Variants in DLG2 observed in about 807,000 individuals in gnomAD.
DLG2 encodes disks large homolog 2.
Under a neutral mutation model 132.5 loss-of-function variants are expected in DLG2, and 45 were observed. The ratio of observed to expected loss-of-function variants is 0.34; its 90% CI spans 0.27 to 0.44. The LOEUF is 0.44. Among genes scored for constraint, DLG2 ranks in the 20% least tolerant of loss-of-function variants. DLG2 has a pLI of 1.00. For synonymous variants in DLG2, 424 were observed against 419.6 expected, an observed-to-expected ratio of 1.01 and a Z score of -0.13; for missense variants, 1,045 against 1,196.9, an observed-to-expected ratio of 0.87 and a Z score of 1.87.
chr11:84,371,822 T>C (rs2098707827), intron 7 of DLG2, among the ~76,000 whole-genome samples: 1 of 152,200 alleles, frequency 6.6e-6, no homozygotes, highest in Admixed American at 6.5e-5. Context: ...TAATATCTCC[T>C]GCATGGTATA....
At chr11:83,613,142 G>A (rs1215178289) in intron 19 of DLG2, among the ~76,000 whole-genome samples, 1 of 152,160 alleles carries the variant, frequency 6.6e-6, no homozygotes, top group African/African-American at 2.4e-5. Flanking sequence ...ACACAGAGGG[G>A]AAAAGCTAGG....
chr11:85,300,253 G>T (rs2079505606), intron 3 of DLG2, among the ~76,000 whole-genome samples: 1 of 152,166 alleles, frequency 6.6e-6, no homozygotes, highest in Non-Finnish European at 1.5e-5. Context: ...AACAAAATGT[G>T]TATTAGCACA....
intron 6 of DLG2, among the ~76,000 whole-genome samples, chr11:84,595,597 C>T (rs2099554785): frequency 1.3e-5 from 2 of 152,048 alleles, no homozygotes; most frequent in Admixed American, 6.6e-5. Flanking sequence ...CCTGGCTCTG[C>T]ACAGACAGAT....
At chr11:83,906,281 ACACACACAC>A (rs2074910219) in intron 15 of DLG2, among the ~76,000 whole-genome samples, 1 of 122,570 alleles carries the variant, frequency 8.2e-6, no homozygotes, top group Non-Finnish European at 1.8e-5. Context: ...ACACACACAC[ACACACACAC>A]ACACACACAC....
At chr11:85,134,373 C>CA (rs2075990775) in intron 5 of DLG2, among the ~76,000 whole-genome samples, 1 of 148,436 alleles carries the variant, frequency 6.7e-6, no homozygotes, top group East Asian at 2.0e-4. Flanking sequence ...ACTAAAAATA[C>CA]AAAAAATTAG....
intron 9 of DLG2, among the ~76,000 whole-genome samples, chr11:84,114,106 G>T (rs933712686): frequency 6.6e-6 from 1 of 151,694 alleles, no homozygotes; most frequent in Non-Finnish European, 1.5e-5. Flanking sequence ...ATTTTTTTAA[G>T]TTACATTAAT....
intron 6 of DLG2, among the ~76,000 whole-genome samples, chr11:84,938,640 A>G (rs545914744): frequency 6.6e-6 from 1 of 152,360 alleles, no homozygotes; most frequent in African/African-American, 2.4e-5. Context: ...ATTAAAATTC[A>G]TAAATGTGTT....
At chr11:85,582,724 C>A (rs1232198950) in intron 3 of DLG2, among the ~76,000 whole-genome samples, 2 of 107,544 alleles carry the variant, frequency 1.9e-5, no homozygotes, top group East Asian at 2.8e-4. Context: ...GCAACTATTT[C>A]TGAAGCACAA....
chr11:83,837,736 A>AAAAAAAAAAAAAAAAAC, intron 16 of DLG2, among the ~76,000 whole-genome samples: 1 of 149,890 alleles, frequency 6.7e-6, no homozygotes, highest in African/African-American at 2.4e-5. Flanking sequence ...AAAAAAAAAA[A>AAAAAAAAAAAAAAAAAC]AAAAAAAAAA....
chr11:83,986,175 C>A (rs1007547837), intron 11 of DLG2, among the ~76,000 whole-genome samples: 1 of 151,442 alleles, frequency 6.6e-6, no homozygotes, highest in African/African-American at 2.4e-5. Flanking sequence ...CGTCATTTAG[C>A]ATTAGGTATA....
chr11:84,286,128 T>C (rs1268801521), intron 7 of DLG2, among the ~76,000 whole-genome samples: 2 of 152,242 alleles, frequency 1.3e-5, no homozygotes, highest in African/African-American at 4.8e-5. Flanking sequence ...ACCATGTTTT[T>C]AACCTTCTCA....
chr11:83,908,852 G>A (rs990513066), intron 15 of DLG2, among the ~76,000 whole-genome samples: 3 of 152,044 alleles, frequency 2.0e-5, no homozygotes, highest in East Asian at 1.9e-4. Flanking sequence ...TCCCACCTTG[G>A]CCTCCCCAGT....
At chr11:83,919,853 T>C (rs1233079926) in intron 15 of DLG2, among the ~76,000 whole-genome samples, 2 of 152,222 alleles carry the variant, frequency 1.3e-5, no homozygotes, top group African/African-American at 4.8e-5. Context: ...GCCGGAGGCA[T>C]AGGAAAGAAA....
chr11:83,483,654 A>G (rs889367049), intron 22 of DLG2, among the ~76,000 whole-genome samples: 4 of 152,172 alleles, frequency 2.6e-5, no homozygotes, highest in Non-Finnish European at 5.9e-5. Context: ...GATATCCACC[A>G]TTACAAGCTC....
chr11:85,517,683 C>T (rs570245872), intron 3 of DLG2, among the ~76,000 whole-genome samples: 23 of 151,780 alleles, frequency 1.5e-4, no homozygotes, highest in Admixed American at 9.9e-4. Context: ...AATCATAGCT[C>T]GCTCACTGCA....
At chr11:84,413,093 G>T (rs948185550) in intron 7 of DLG2, among the ~76,000 whole-genome samples, 23 of 152,146 alleles carry the variant, frequency 1.5e-4, no homozygotes, top group African/African-American at 5.6e-4. Flanking sequence ...ATGAATGAAT[G>T]ACCTAGTTAG....
intron 5 of DLG2, among the ~76,000 whole-genome samples, chr11:85,128,609 C>T (rs1178761015): frequency 6.6e-6 from 1 of 152,130 alleles, no homozygotes; most frequent in Non-Finnish European, 1.5e-5. Flanking sequence ...GCAGAATATT[C>T]TGCCTGCGAT....
chr11:84,351,965 T>C (rs1211459859), intron 7 of DLG2, among the ~76,000 whole-genome samples: 2 of 152,224 alleles, frequency 1.3e-5, no homozygotes, highest in African/African-American at 2.4e-5. Flanking sequence ...TAGATTCAGA[T>C]GGGATCTTAA....
chr11:85,029,913 T>G (rs1182163395), intron 6 of DLG2, among the ~76,000 whole-genome samples: 1 of 152,170 alleles, frequency 6.6e-6, no homozygotes, highest in Non-Finnish European at 1.5e-5. Context: ...AGAGATGTGG[T>G]TTCACCATGT....
Sources: allele counts gnomAD v4.1 joint callset (sites outside exome capture counted in the v4.1 genomes callset), GRCh38; gene constraint gnomAD v4.1.1; transcripts MANE v1.5; gene names NCBI Gene and HGNC (gene_info 2026-07-23, HGNC 2026-07-21).